ERC2: variants seen among roughly 807,000 people sequenced by gnomAD.
ERC2 encodes ERC protein 2.
A neutral mutation model predicts 114.8 loss-of-function variants in ERC2; 42 were observed. The observed-to-expected ratio is 0.37, with a 90% CI of 0.29 to 0.47. ERC2 has a LOEUF of 0.47. Among genes scored for constraint, ERC2 ranks in the 20% least tolerant of loss-of-function variants. The pLI is 0.99. For synonymous variants in ERC2, 454 were observed against 425.5 expected (o/e 1.07, Z -0.82); for missense variants, 939 against 1,150.7 (o/e 0.82, Z 2.66).
chr3:56,208,560 C>A (rs2150116061), intron 3 of ERC2, among the ~76,000 whole-genome samples: 1 of 152,270 alleles, frequency 6.6e-6, no homozygotes, highest in East Asian at 1.9e-4. Flanking sequence ...TTATAAATCC[C>A]CAGTGTTCAG....
intron 3 of ERC2, among the ~76,000 whole-genome samples, chr3:56,245,024 T>A (rs899214681): frequency 2.0e-5 from 3 of 152,126 alleles, no homozygotes; most frequent in African/African-American, 7.2e-5. Flanking sequence ...TAGAAGCATA[T>A]CACATAGGTT....
At chr3:56,298,190 T>TC in intron 2 of ERC2, among the ~76,000 whole-genome samples, 1 of 152,178 alleles carries the variant, frequency 6.6e-6, no homozygotes, top group Non-Finnish European at 1.5e-5. Flanking sequence ...TCCCTCCCTT[T>TC]CCCCAGGCCC....
intron 2 of ERC2, among the ~76,000 whole-genome samples, chr3:56,315,400 C>A (rs2056816286): frequency 6.6e-6 from 1 of 152,100 alleles, no homozygotes; most frequent in Non-Finnish European, 1.5e-5. Context: ...GGTTGTTTTG[C>A]AGATACCATC....
intron 14 of ERC2, among the ~76,000 whole-genome samples, chr3:55,840,775 TG>T (rs1559745531): frequency 1.5e-3 from 231 of 152,268 alleles, no homozygotes; most frequent in African/African-American, 5.3e-3. Flanking sequence ...CCAAACCTAC[TG>T]GCATACTAGT....
At chr3:56,184,930 T>A (rs2150053140) in intron 3 of ERC2, among the ~76,000 whole-genome samples, 1 of 152,314 alleles carries the variant, frequency 6.6e-6, no homozygotes. Context: ...CACTACTCTG[T>A]TGGACTCCAT....
At chr3:55,977,371 T>G (rs576609284) in intron 12 of ERC2, among the ~76,000 whole-genome samples, 2,295 of 86,454 alleles carry the variant, frequency 0.027, 58 homozygotes, top group African/African-American at 0.097. Context: ...AAGTGACAAA[T>G]GTCAGATCAA....
intron 8 of ERC2, among the ~76,000 whole-genome samples, chr3:56,013,970 A>C (rs2073133272): frequency 6.6e-6 from 1 of 152,182 alleles, no homozygotes; most frequent in African/African-American, 2.4e-5. Context: ...AAGATAGAGA[A>C]CCTTGCCAGT....
chr3:55,983,473 G>C (rs2070327001), intron 12 of ERC2, among the ~76,000 whole-genome samples: 1 of 152,174 alleles, frequency 6.6e-6, no homozygotes, highest in African/African-American at 2.4e-5. Context: ...GAGTTTACTG[G>C]AGTGGAGACC....
At chr3:56,269,923 C>T (rs1450986972) in intron 3 of ERC2, among the ~76,000 whole-genome samples, 1 of 152,026 alleles carries the variant, frequency 6.6e-6, no homozygotes, top group Non-Finnish European at 1.5e-5. Flanking sequence ...CTCCTTTTTC[C>T]CACCCCATCA....
intron 1 of ERC2, among the ~76,000 whole-genome samples, chr3:56,446,557 A>G (rs1309615246): frequency 2.0e-5 from 3 of 151,790 alleles, no homozygotes; most frequent in Non-Finnish European, 4.4e-5. Flanking sequence ...CTGAGAGGAC[A>G]ATTTGGAACT....
At chr3:55,641,873 A>C (rs2060201044) in intron 17 of ERC2, among the ~76,000 whole-genome samples, 1 of 152,144 alleles carries the variant, frequency 6.6e-6, no homozygotes, top group African/African-American at 2.4e-5. Flanking sequence ...TACGTTTCTC[A>C]GTTTGATCCA....
chr3:55,803,104 G>A (rs546990308), intron 14 of ERC2, among the ~76,000 whole-genome samples: 5 of 152,220 alleles, frequency 3.3e-5, no homozygotes, highest in Admixed American at 3.3e-4. Flanking sequence ...GGTCATGCTT[G>A]GCTTCAAAGG....
chr3:56,464,570 C>G (rs765153789), intron 1 of ERC2, among the ~76,000 whole-genome samples: 1 of 152,200 alleles, frequency 6.6e-6, no homozygotes, highest in Non-Finnish European at 1.5e-5. Context: ...TATATGTTAG[C>G]ATGTCTTATA....
chr3:56,258,976 A>ATTAATT (rs1553899303), intron 3 of ERC2, among the ~76,000 whole-genome samples: 2 of 144,124 alleles, frequency 1.4e-5, no homozygotes, highest in Non-Finnish European at 3.0e-5. Context: ...TAATTAATTA[A>ATTAATT]TTTTTTTTTT....
chr3:56,227,229 A>G (rs2050304533), intron 3 of ERC2, among the ~76,000 whole-genome samples: 1 of 152,116 alleles, frequency 6.6e-6, no homozygotes, highest in African/African-American at 2.4e-5. Flanking sequence ...ATCTGTTTTC[A>G]TAAAACCAAT....
chr3:55,905,398 G>A (rs1434916537), intron 13 of ERC2, among the ~76,000 whole-genome samples: 4 of 151,570 alleles, frequency 2.6e-5, no homozygotes, highest in African/African-American at 7.3e-5. Flanking sequence ...TACTTTTTTT[G>A]TGGACCTCAC....
chr3:56,274,448 C>T (rs1190575984), intron 3 of ERC2, among the ~76,000 whole-genome samples: 2 of 152,094 alleles, frequency 1.3e-5, no homozygotes, highest in East Asian at 1.9e-4. Context: ...CCTGAATACA[C>T]AAATTCCCCT....
At chr3:55,973,164 C>G (rs1418991657) in intron 12 of ERC2, among the ~76,000 whole-genome samples, 1 of 152,138 alleles carries the variant, frequency 6.6e-6, no homozygotes, top group Non-Finnish European at 1.5e-5. Flanking sequence ...AGGACAGAGA[C>G]TGGGACAGAT....
chr3:56,352,724 G>A (rs570346713), intron 2 of ERC2, among the ~76,000 whole-genome samples: 1 of 152,088 alleles, frequency 6.6e-6, no homozygotes, highest in Non-Finnish European at 1.5e-5. Context: ...TTGGGTTTTC[G>A]TCTGAAGTTC....
Sources: gnomAD v4.1 joint callset for allele counts (sites outside exome capture counted in the v4.1 genomes callset) on GRCh38, gnomAD v4.1.1 for gene constraint, MANE v1.5 for transcripts, NCBI Gene and HGNC (gene_info 2026-07-23, HGNC 2026-07-21) for gene names.